ADPRS: variants seen among roughly 807,000 people sequenced by gnomAD.
The protein encoded by ADPRS is ADP-ribosylserine hydrolase, also known as ADP-ribosylhydrolase ARH3.
Under a neutral mutation model 32.1 loss-of-function variants are expected in ADPRS, and 25 were observed. The observed-to-expected ratio is 0.78, with a 90% CI of 0.57 to 1.09. The LOEUF is 1.09. Among genes scored for constraint, ADPRS ranks in the 50% least tolerant of loss-of-function variants. The pLI is 0.00. For missense variants in ADPRS, 482 were observed against 480.6 expected, an observed-to-expected ratio of 1.00 and a Z score of -0.03; for synonymous variants, 225 against 201.0, an observed-to-expected ratio of 1.12 and a Z score of -1.01.
At chr1:36,089,201 G>T in intron 1 of ADPRS, 86 bp downstream of exon 1, 21 of 1,342,694 alleles carry the variant, frequency 1.6e-5, no homozygotes, top group Non-Finnish European at 2.0e-5. Flanking sequence ...GGTCGGGGGT[G>T]CGCGGGGATG....
rs765452280 is a variant in ADPRS, at chr1:36,091,984, T to TGTGCACCTGGCC, written c.592_603dup (p.Val198_Ala201dup). 1 of 1,614,042 alleles carries TGTGCACCTGGCC rather than the reference T, an allele frequency of 6.2e-7. No individual in the cohort carries two copies. Among genetic ancestry groups the TGTGCACCTGGCC allele is most frequent in the Admixed American group, 1.7e-5 (1 of 59,990 alleles). Reference sequence around the variant, plus strand: ...ATGGCGCCATCCTGCAGGCCCTGGCTGTGCACCTGGCCTTGCAGGGCGAGT... The same window carrying TGTGCACCTGGCC: ...ATGGCGCCATCCTGCAGGCCCTGGCTGTGCACCTGGCCGTGCACCTGGCCTTGCAGGGCGAGT... On this transcript the variant is annotated inframe_insertion, in exon 4 of 6. Coordinates refer to ENST00000373178, the MANE Select transcript of ADPRS (RefSeq NM_017825.3).
In ADPRS at chr1:36,093,226, TTGG is replaced by T. The variant is rs766791824; in HGVS notation, c.936_938del (p.Gly313del). 1.2e-6 allele frequency: 2 copies of T among 1,614,244 alleles called. No individual in the cohort carries two copies. Among genetic ancestry groups the T allele is most frequent in the Non-Finnish European group, 8.5e-7 (1 of 1,180,058 alleles). Reference sequence around the variant, plus strand: ...AGGACTCTCATTTATTCCATCTCACTTGGTGGGGACACAGACACCATTGCCACC... The same window carrying T: ...AGGACTCTCATTTATTCCATCTCACTTGGGGACACAGACACCATTGCCACC... On this transcript the variant is annotated inframe_deletion, in exon 6 of 6. Coordinates refer to ENST00000373178, the MANE Select transcript of ADPRS (RefSeq NM_017825.3).
chr1:36,089,249 C>T (rs1643444727), intron 1 of ADPRS, 134 bp downstream of exon 1: 8 of 1,033,924 alleles, frequency 7.7e-6, no homozygotes, highest in Admixed American at 7.8e-5. Context: ...CCGGATGACC[C>T]GCAGACAGCT....
Position 36,093,420 on chromosome 1 carries a change from C to T in ADPRS, c.*34C>T, listed in dbSNP as rs1269826366. On this transcript the variant is annotated 3_prime_UTR_variant, in exon 6 of 6. Transcript: ENST00000373178. The stretch of plus-strand genomic sequence containing the variant: ...ACAGCTGTTGGGGCTCTGCCAGGTC[C>T]CCTGGGACCAACTACAGCTCCAATC... 3.8e-6 allele frequency: 6 copies of T among 1,587,548 alleles called. No homozygotes were observed. In the South Asian group the frequency reaches 5.7e-5, roughly 15 times the overall value.
At position 36,093,503 on chromosome 1, in the gene ADPRS, C is replaced by CT. The variant is rs1643515135; in HGVS notation, c.*118dup. ...CACTTTTCCTGCATTGTGGAGCTGA[C>CT]TGAGTACACCGGTGAGGCTGGGGTC... is the stretch of plus-strand genomic sequence containing the variant. On this transcript the variant is annotated 3_prime_UTR_variant, in exon 6 of 6. Coordinates refer to ENST00000373178, the MANE Select transcript of ADPRS (RefSeq NM_017825.3). 4 of 1,353,558 alleles carry CT rather than the reference C, an allele frequency of 3.0e-6. No homozygotes were observed. Among genetic ancestry groups the CT allele is most frequent in the South Asian group, 1.4e-5 (1 of 70,850 alleles). 83.8% of individuals were successfully genotyped at this position (1,353,558 alleles called of 1,614,324 possible). A position where few individuals can be genotyped will look rare whatever the true frequency, so the allele number is the denominator to read the frequency against.
chr1:36,093,108 G>A lies in ADPRS; in HGVS notation c.814G>A (p.Ala272Thr). ...TGGCTTCCCCACAGGGAATGGCATT[G>A]CTGCCTTTGAGTCGGTACCCACCGC... ...EVVSELGNGI[A>T]AFESVPTAIY... The change falls in exon 6 of 6, where the codon GCT becomes ACT. Residue 272 changes from alanine (A) to threonine (T), a missense_variant. Physicochemically the swap from Ala to Thr is moderately conservative, Grantham distance 58. Coordinates refer to ENST00000373178, the MANE Select transcript of ADPRS (RefSeq NM_017825.3). 1.2e-6 allele frequency: 2 copies of A among 1,613,688 alleles called. No homozygotes were observed. The highest frequency in any genetic ancestry group is 1.7e-6 in the Non-Finnish European group (2 of 1,179,660).
chr1:36,092,130 G>A (rs1363437384), intron 4 of ADPRS, 36 bp downstream of exon 4: 4 of 1,564,568 alleles, frequency 2.6e-6, no homozygotes, highest in Non-Finnish European at 3.5e-6. Flanking sequence ...GTGTGGGTAT[G>A]TGGGTGATCC....
chr1:36,089,495 G>A (rs1643448258), intron 1 of ADPRS, among the ~76,000 whole-genome samples: 3 of 152,322 alleles, frequency 2.0e-5, no homozygotes, highest in Admixed American at 1.3e-4. Flanking sequence ...TTATCAGAAA[G>A]CCGAAAAAAA....
chr1:36,090,674 C>T (rs749014374), intron 1 of ADPRS, among the ~76,000 whole-genome samples: 62 of 27,084 alleles, frequency 2.3e-3, no homozygotes, highest in Non-Finnish European at 4.5e-3. Flanking sequence ...GAAACTCCAT[C>T]TCTACAAAAA....
In ADPRS at chr1:36,091,958, A is replaced by G. The variant is rs781269602; in HGVS notation, c.565A>G (p.Asn189Asp). The part of the protein sequence containing the change: ...QLTHASSLGY[N>D]GAILQALAVH... ...GACACACGCCTCCTCCCTGGGTTAC[A>G]ATGGCGCCATCCTGCAGGCCCTGGC... The change falls in exon 4 of 6, where the codon AAT becomes GAT. Residue 189 changes from asparagine (N) to aspartate (D), a missense_variant. Coordinates refer to ENST00000373178, the MANE Select transcript of ADPRS (RefSeq NM_017825.3). 6.2e-7 allele frequency: 1 copy of G among 1,612,716 alleles called. No individual in the cohort carries two copies. Among genetic ancestry groups the G allele is most frequent in the East Asian group, 2.2e-5 (1 of 44,844 alleles).
In ADPRS at chr1:36,091,249, T is replaced by G; in HGVS notation, c.217T>G (p.Leu73Val). Residue 73 changes from leucine to valine, a missense_variant, in exon 2 of 6, where the codon TTG becomes GTG. Transcript: ENST00000373178. The part of the protein sequence containing the change: ...GTPGSERTEA[L>V]YYTDDTAMAR... ...CCTCCCTCCTCTCCCCACAGAAGCC[T>G]TGTACTACACAGATGACACAGCCAT... 1 of 1,613,890 alleles carries G rather than the reference T, an allele frequency of 6.2e-7. No individual in the cohort carries two copies. The highest frequency in any genetic ancestry group is 8.5e-7 in the Non-Finnish European group (1 of 1,179,850).
At chr1:36,090,515 T>A (rs1262460793) in intron 1 of ADPRS, among the ~76,000 whole-genome samples, 2 of 151,722 alleles carry the variant, frequency 1.3e-5, no homozygotes, top group African/African-American at 4.8e-5. Flanking sequence ...CGAAAGTGAA[T>A]GGGAGTGAGA....
In ADPRS at chr1:36,088,986, G is replaced by T. The variant is rs1643439742; in HGVS notation, c.82G>T (p.Ala28Ser). ...RSLSRFRGCL[A>S]GALLGDCVGS... is the part of the protein sequence containing the mutation. ...CCTCTCGCGCTTCCGAGGCTGCCTG[G>T]CTGGCGCGCTGCTCGGGGACTGCGT... Residue 28 changes from alanine to serine, a missense_variant, in exon 1 of 6, where the codon GCT (alanine) becomes TCT (serine). Physicochemically the swap from Ala to Ser is moderately conservative, Grantham distance 99. Coordinates refer to ENST00000373178, the MANE Select transcript of ADPRS (RefSeq NM_017825.3). 1.3e-6 allele frequency: 2 copies of T among 1,484,550 alleles called. No homozygotes were observed. Among genetic ancestry groups the T allele is most frequent in the African/African-American group, 2.9e-5 (2 of 67,960 alleles). The allele number at this position is 1,484,550 out of a possible 1,614,324, so 92.0% of individuals were successfully genotyped here.
chr1:36,092,614 C>T, intron 5 of ADPRS, 92 bp downstream of exon 5: 1 of 1,199,802 alleles, frequency 8.3e-7, no homozygotes, highest in Non-Finnish European at 1.2e-6. Flanking sequence ...CCTGCCGTCG[C>T]ATTGTACCCT....
chr1:36,089,042 C>T lies in ADPRS; in HGVS notation c.138C>T (p.Val46=). 1 of 1,473,792 alleles carries T rather than the reference C, an allele frequency of 6.8e-7. No homozygotes were observed. The highest frequency in any genetic ancestry group is 9.0e-7 in the Non-Finnish European group (1 of 1,116,786). The allele number at this position is 1,473,792 out of a possible 1,614,324, so 91.3% of individuals were successfully genotyped here. The part of the protein sequence containing the change: ...VGSFYEAHDT[V]DLTSVLRHVQ... ...CCTTCTACGAGGCCCACGACACCGTCGACCTGACGTCAGTCCTGCGTCATG... is the reference window on the plus strand; with the variant it reads ...CCTTCTACGAGGCCCACGACACCGTTGACCTGACGTCAGTCCTGCGTCATG... The change falls in exon 1 of 6, where the codon GTC becomes GTT. Residue 46 remains valine (V), a synonymous_variant. Coordinates refer to ENST00000373178, the MANE Select transcript of ADPRS (RefSeq NM_017825.3).
chr1:36,091,488 C>G (rs1213842658), intron 2 of ADPRS, 130 bp from the exon 3 acceptor site: 2 of 1,201,154 alleles, frequency 1.7e-6, no homozygotes, highest in Admixed American at 4.5e-5. Flanking sequence ...GCTAAAACAG[C>G]AGCACTGCTG....
chr1:36,091,059 C>A (rs1454361319), intron 1 of ADPRS, among the ~76,000 whole-genome samples, 185 bp from the exon 2 acceptor site: 3 of 152,100 alleles, frequency 2.0e-5, no homozygotes, highest in African/African-American at 7.2e-5. Context: ...GTCCCAGCTA[C>A]TTGAGAGGCT....
Position 36,089,119 on chromosome 1 carries a change from GGCGGGGCCGGGCGCAAGTCAGAGGCCGT to G in ADPRS, c.211+10_211+37del, listed in dbSNP as rs1643442655. The G allele has an allele frequency of 2.8e-6, 4 of 1,408,872 alleles. No homozygotes were observed. The African/African-American group carries it at 6.1e-5, about 21-fold the overall frequency. 87.3% of individuals were successfully genotyped at this position (1,408,872 alleles called of 1,614,324 possible). A position where few individuals can be genotyped will look rare whatever the true frequency, so the allele number is the denominator to read the frequency against. ...ACGCCCGGGAGTGAGCGGACAGGTG[GGCGGGGCCGGGCGCAAGTCAGAGGCCGT>G]GCGGGAGGGAGGCCGAAGGGGCGCG... On this transcript the variant is annotated splice_donor_5th_base_variant and intron_variant, in intron 1 of 5. Coordinates refer to ENST00000373178, the MANE Select transcript of ADPRS (RefSeq NM_017825.3).
chr1:36,092,560 G>A lies in ADPRS; in HGVS notation c.802+38G>A, dbSNP rs781697208. 22 of 1,595,192 alleles carry A rather than the reference G, an allele frequency of 1.4e-5. 1 individual carries two copies. Among genetic ancestry groups the A allele is most frequent in the South Asian group, 9.9e-5 (9 of 90,572 alleles). On this transcript the variant is annotated intron_variant, in intron 5 of 5. Coordinates refer to ENST00000373178, the MANE Select transcript of ADPRS (RefSeq NM_017825.3). ...GCCTGGGATTGTCTCTCCCTCTGTC[G>A]TCCTTCAGGGTCGGTCTTGGGCTCA...
Sources: gnomAD v4.1 joint callset for allele counts (sites outside exome capture counted in the v4.1 genomes callset) on GRCh38, gnomAD v4.1.1 for gene constraint, MANE v1.5 for transcripts, NCBI Gene and HGNC (gene_info 2026-07-23, HGNC 2026-07-21) for gene names.